The following ZNF608 variants were observed in gnomAD, a reference collection of about 807,000 sequenced individuals.
ZNF608 encodes zinc finger protein 608, also known as renal carcinoma antigen NY-REN-36.
ZNF608 carries 12 observed loss-of-function variants against 109.0 expected under a neutral mutation model. The ratio of observed to expected loss-of-function variants is 0.11; its 90% CI spans 0.07 to 0.18. The LOEUF (loss-of-function observed/expected upper bound fraction) is 0.18, where lower values mean the gene tolerates loss of function less well. Among genes scored for constraint, ZNF608 ranks in the 10% least tolerant of loss-of-function variants. ZNF608 has a pLI of 1.00. For missense variants in ZNF608, 1,707 were observed against 1,879.3 expected (o/e 0.91, Z 1.70); for synonymous variants, 732 against 717.4 (o/e 1.02, Z -0.33).
At chr5:124,709,169 T>C (rs1753386963) in intron 2 of ZNF608, among the ~76,000 whole-genome samples, 1 of 16,756 alleles carries the variant, frequency 6.0e-5, no homozygotes. Flanking sequence ...AGACTCTGTC[T>C]CAAAAAAAAA....
intron 3 of ZNF608, among the ~76,000 whole-genome samples, chr5:124,699,514 T>C (rs889969168): frequency 6.6e-6 from 1 of 152,218 alleles, no homozygotes; most frequent in Admixed American, 6.5e-5. Flanking sequence ...TTTTAATCAC[T>C]TCCCTCTGAG....
chr5:124,739,824 G>A lies in ZNF608; in HGVS notation c.906+4260C>T, dbSNP rs909010239. Among the ~76,000 whole-genome samples, 8 of 152,120 alleles carry A rather than the reference G, an allele frequency of 5.3e-5. No homozygotes were observed. The East Asian group carries it at 9.6e-4, about 18-fold the overall frequency. The stretch of plus-strand genomic sequence containing the variant: ...AATCCCTCTTTTTCACGCTGAAAAC[G>A]AAGAACAGATGGTACTTTCCATGTT... On this transcript the variant is annotated intron_variant, in intron 2 of 9. Transcript: ENST00000513986.
chr5:124,638,820 T>G (rs1429422147), intron 9 of ZNF608: 1 of 1,113,664 alleles, frequency 9.0e-7, no homozygotes, highest in African/African-American at 1.6e-5. Context: ...ATTTGCGACT[T>G]TATCTTTAAA....
Position 124,746,554 on chromosome 5 carries a change from C to G in ZNF608, c.-543G>C. The G allele has an allele frequency of 1.0e-6, 1 of 985,388 alleles. No homozygotes were observed. The highest frequency in any genetic ancestry group is 4.7e-5 in the South Asian group (1 of 21,286). 61.0% of individuals were successfully genotyped at this position (985,388 alleles called of 1,614,324 possible). On this transcript the variant is annotated 5_prime_UTR_variant, in exon 1 of 10. Transcript: ENST00000513986. Reference sequence around the variant, plus strand: ...TTAGAGAAAAAAGTTTTCCCAACTTCTCATTCCGCCTTCAGTTCCAGACTT... The same window carrying G: ...TTAGAGAAAAAAGTTTTCCCAACTTGTCATTCCGCCTTCAGTTCCAGACTT...
At chr5:124,691,583 C>T (rs4388208) in intron 3 of ZNF608, among the ~76,000 whole-genome samples, 1 of 152,032 alleles carries the variant, frequency 6.6e-6, no homozygotes, top group Non-Finnish European at 1.5e-5. Context: ...AAGCAACCTA[C>T]GTGTCCATCA....
chr5:124,641,255 GA>G lies in ZNF608; in HGVS notation c.4446del (p.Gln1483LysfsTer3), dbSNP rs1445494382. 6.2e-7 allele frequency: 1 copy of G among 1,613,618 alleles called. No individual in the cohort carries two copies. The highest frequency in any genetic ancestry group is 8.5e-7 in the Non-Finnish European group (1 of 1,180,018). On this transcript the variant is annotated frameshift_variant, in exon 8 of 10. Transcript: ENST00000513986. LOFTEE classifies it high-confidence loss of function. ...CAGTAATGATAGAGCTGCTGACCTTGAAAAGGGTCATATTGACCCGGGATTA... is the reference window on the plus strand; with the variant it reads ...CAGTAATGATAGAGCTGCTGACCTTGAAAGGGTCATATTGACCCGGGATTA... ...YPLIPGQYDP[F>X]QGLTSAALVA...
intron 3 of ZNF608, 57 bp downstream of exon 3, chr5:124,700,957 T>A (rs554873732): frequency 6.3e-7 from 1 of 1,597,760 alleles, no homozygotes; most frequent in Non-Finnish European, 8.5e-7. Context: ...CAGGTGGACA[T>A]AAATACATCA....
intron 2 of ZNF608, among the ~76,000 whole-genome samples, chr5:124,711,348 T>C (rs1753481458): frequency 6.6e-6 from 1 of 152,292 alleles, no homozygotes; most frequent in African/African-American, 2.4e-5. Flanking sequence ...CCTTCTATGC[T>C]GCTTAAATTT....
chr5:124,697,648 C>A (rs529490531), intron 3 of ZNF608, among the ~76,000 whole-genome samples: 1 of 152,138 alleles, frequency 6.6e-6, no homozygotes, highest in African/African-American at 2.4e-5. Context: ...TATTCCTGAG[C>A]ACAACTTGGT....
In ZNF608 at chr5:124,644,618, T is replaced by C; in HGVS notation, c.3749A>G (p.Lys1250Arg). ...RTWHHYVYQP[K>R]YLDQQKSEEL... ...TTCTGACTTTTGCTGATCCAGATAT[T>C]TGGGCTGGTATACATAATGATGCCA... The change falls in exon 6 of 10, where the codon AAA (lysine) becomes AGA (arginine). Residue 1250 changes from lysine (K) to arginine (R), a missense_variant. Around this residue, in one of 7 missense-constraint regions of ZNF608, gnomAD observed 1,073 missense variants for 1,133.5 expected, o/e 0.95. Transcript: ENST00000513986. 6.2e-7 allele frequency: 1 copy of C among 1,609,278 alleles called. No homozygotes were observed. Among genetic ancestry groups the C allele is most frequent in the Non-Finnish European group, 8.5e-7 (1 of 1,178,056 alleles).
intron 6 of ZNF608, 57 bp downstream of exon 6, chr5:124,644,187 G>T: frequency 6.9e-7 from 1 of 1,440,716 alleles, no homozygotes; most frequent in Non-Finnish European, 9.4e-7. Flanking sequence ...GTTTTTAACA[G>T]CTAATATTTG....
intron 2 of ZNF608, among the ~76,000 whole-genome samples, chr5:124,715,074 G>A (rs1346246360): frequency 6.6e-6 from 1 of 151,988 alleles, no homozygotes; most frequent in Non-Finnish European, 1.5e-5. Context: ...ATTTCATAGG[G>A]GTACTTCAAG....
At position 124,648,890 on chromosome 5, in the gene ZNF608, G is replaced by C; in HGVS notation, c.1494C>G (p.Asn498Lys). 1 of 1,613,980 alleles carries C rather than the reference G, an allele frequency of 6.2e-7. No individual in the cohort carries two copies. Among genetic ancestry groups the C allele is most frequent in the Non-Finnish European group, 8.5e-7 (1 of 1,179,942 alleles). Reference protein sequence around the residue: ...EDIKASPSSTNKRKNKPPMEL... With the variant: ...EDIKASPSSTKKRKNKPPMEL... Reference sequence around the variant, plus strand: ...CCATTGGAGGCTTGTTTTTCCTTTTGTTGGTGGAGGAAGGGCTGGCTTTGA... The same window carrying C: ...CCATTGGAGGCTTGTTTTTCCTTTTCTTGGTGGAGGAAGGGCTGGCTTTGA... Residue 498 changes from asparagine to lysine, a missense_variant, in exon 5 of 10, where the codon AAC becomes AAG. This residue lies in a region of ZNF608 where 166 missense variants were observed against 204.2 expected (regional missense o/e 0.81). Transcript: ENST00000513986.
chr5:124,660,083 A>G (rs1751184943), intron 3 of ZNF608, among the ~76,000 whole-genome samples: 1 of 152,152 alleles, frequency 6.6e-6, no homozygotes, highest in African/African-American at 2.4e-5. Context: ...TTTACTGGAA[A>G]TGATCACTCT....
chr5:124,645,797 G>C (rs1750469851), intron 5 of ZNF608, among the ~76,000 whole-genome samples: 1 of 152,050 alleles, frequency 6.6e-6, no homozygotes, highest in Non-Finnish European at 1.5e-5. Context: ...ATTCAGCACT[G>C]AGCTCTGAGT....
chr5:124,745,431 G>A (rs1409411333), intron 1 of ZNF608: 1 of 155,704 alleles, frequency 6.4e-6, no homozygotes, highest in Non-Finnish European at 1.4e-5. Flanking sequence ...CTTTTTAAAA[G>A]CATTAAATTA....
At chr5:124,656,747 T>TAA (rs11384375) in intron 3 of ZNF608, among the ~76,000 whole-genome samples, 27 of 145,222 alleles carry the variant, frequency 1.9e-4, no homozygotes, top group East Asian at 4.0e-4. Flanking sequence ...AATCCTTTTT[T>TAA]AAAAAAAAAA....
chr5:124,697,135 G>A (rs1405521058), intron 3 of ZNF608, among the ~76,000 whole-genome samples: 1 of 151,084 alleles, frequency 6.6e-6, no homozygotes, highest in Non-Finnish European at 1.5e-5. Flanking sequence ...TAAAAGCGTC[G>A]TGAATGATAG....
intron 2 of ZNF608, chr5:124,710,411 G>A (rs1753441547): frequency 2.7e-6 from 1 of 365,338 alleles, no homozygotes; most frequent in South Asian, 2.1e-5. Flanking sequence ...CAAATTAAAT[G>A]ACAAGGAAGT....
Sources: gnomAD v4.1 joint callset for allele counts (sites outside exome capture counted in the v4.1 genomes callset) on GRCh38, gnomAD v4.1.1 for gene constraint, gnomAD v4.1.1 regional missense constraint, MANE v1.5 for transcripts, NCBI Gene and HGNC (gene_info 2026-07-23, HGNC 2026-07-21) for gene names.